The following CUEDC1 variants were observed in gnomAD, a reference collection of about 807,000 sequenced individuals.
CUEDC1 encodes CUE domain-containing protein 1.
A neutral mutation model predicts 43.7 loss-of-function variants in CUEDC1; 30 were observed. The ratio of observed to expected loss-of-function variants is 0.69; its 90% CI spans 0.51 to 0.93. The LOEUF is 0.93. Ranked by LOEUF, CUEDC1 falls within the 40% of genes least tolerant of loss-of-function variation. CUEDC1 has a pLI of 0.00. For missense variants in CUEDC1, 486 were observed against 549.0 expected (o/e 0.89, Z 1.15); for synonymous variants, 223 against 223.6 (o/e 1.00, Z 0.02).
intron 1 of CUEDC1, among the ~76,000 whole-genome samples, chr17:57,886,960 A>G (rs2074298387): frequency 6.6e-6 from 1 of 151,704 alleles, no homozygotes; most frequent in Non-Finnish European, 1.5e-5. Flanking sequence ...CTGGGACTAC[A>G]GGCGCCCGCC....
chr17:57,927,027 G>A (rs2074754031), intron 1 of CUEDC1, among the ~76,000 whole-genome samples: 1 of 152,200 alleles, frequency 6.6e-6, no homozygotes, highest in Non-Finnish European at 1.5e-5. Context: ...GCAGCTGGGG[G>A]AAACAGGCCG....
rs931232553 is a variant in CUEDC1, at chr17:57,955,057, C to T, written c.-316+168G>A. Reference sequence around the variant, plus strand: ...AGCTCCCGGGGAGCCGCGCCGACAGCCCCGGGAATCAAACTCGCGACGGCC... The same window carrying T: ...AGCTCCCGGGGAGCCGCGCCGACAGTCCCGGGAATCAAACTCGCGACGGCC... On this transcript the variant is annotated intron_variant, in intron 1 of 10. Coordinates refer to ENST00000577830, the MANE Select transcript of CUEDC1 (RefSeq NM_001271875.2). The surrounding 1 kb of genome is among the most constrained non-coding windows in gnomAD (Gnocchi z 5.3). Among the ~76,000 whole-genome samples, 7 of 151,042 alleles carry T rather than the reference C, an allele frequency of 4.6e-5. No homozygotes were observed. The highest frequency in any genetic ancestry group is 1.3e-4 in the Admixed American group (2 of 15,172).
intron 10 of CUEDC1, among the ~76,000 whole-genome samples, chr17:57,864,701 G>A (rs2073931430): frequency 6.6e-6 from 1 of 152,136 alleles, no homozygotes; most frequent in Non-Finnish European, 1.5e-5. Flanking sequence ...GGAGGAGGAG[G>A]AGGATGTCAA....
At chr17:57,942,685 G>A (rs776785482) in intron 1 of CUEDC1, among the ~76,000 whole-genome samples, 5 of 151,494 alleles carry the variant, frequency 3.3e-5, no homozygotes, top group East Asian at 3.9e-4. Context: ...CACCACACCC[G>A]GCCAAATTGT....
At chr17:57,945,128 AT>A (rs1166907781) in intron 1 of CUEDC1, among the ~76,000 whole-genome samples, 1 of 152,154 alleles carries the variant, frequency 6.6e-6, no homozygotes, top group Non-Finnish European at 1.5e-5. Context: ...AAGCCTATAT[AT>A]TTTTTTCAAA....
At chr17:57,872,064 C>T (rs1436161301) in intron 5 of CUEDC1, among the ~76,000 whole-genome samples, 2 of 152,256 alleles carry the variant, frequency 1.3e-5, no homozygotes, top group Non-Finnish European at 2.9e-5. Context: ...GTTACACACA[C>T]AAGCTCTCAC....
intron 1 of CUEDC1, among the ~76,000 whole-genome samples, chr17:57,895,434 G>T (rs2074398658): frequency 6.6e-6 from 1 of 152,330 alleles, no homozygotes; most frequent in South Asian, 2.1e-4. Flanking sequence ...GCCACTGGAG[G>T]TATAAGGGAT....
Position 57,888,332 on chromosome 17 carries a change from G to A in CUEDC1, c.-315-2453C>T, listed in dbSNP as rs2074319615. Among the ~76,000 whole-genome samples, 2 of 152,166 alleles carry A rather than the reference G, an allele frequency of 1.3e-5. 1 individual carries two copies. ...TGGCCATCTTCCCATGTCAGAATACGTAGGGCTACGCCATCATTTTTAGTG... is the reference window on the plus strand; with the variant it reads ...TGGCCATCTTCCCATGTCAGAATACATAGGGCTACGCCATCATTTTTAGTG... On this transcript the variant is annotated intron_variant, in intron 1 of 10. Coordinates refer to ENST00000577830, the MANE Select transcript of CUEDC1 (RefSeq NM_001271875.2).
intron 1 of CUEDC1, among the ~76,000 whole-genome samples, chr17:57,944,029 C>T (rs1163031986): frequency 6.6e-6 from 1 of 152,150 alleles, no homozygotes; most frequent in Admixed American, 6.5e-5. Flanking sequence ...TGTGACCTTA[C>T]GCAAGTTAAC....
At chr17:57,896,551 G>A (rs2144993875) in intron 1 of CUEDC1, among the ~76,000 whole-genome samples, 1 of 148,754 alleles carries the variant, frequency 6.7e-6, no homozygotes, top group East Asian at 2.0e-4. Context: ...GGATTCACAA[G>A]AAACTGATAA....
intron 1 of CUEDC1, among the ~76,000 whole-genome samples, chr17:57,931,930 G>A (rs2074807788): frequency 6.6e-6 from 1 of 152,076 alleles, no homozygotes; most frequent in African/African-American, 2.4e-5. Flanking sequence ...CCCCCACCCT[G>A]CTCCTCTCAC....
chr17:57,892,785 T>C (rs2074369423), intron 1 of CUEDC1: 1 of 122,944 alleles, frequency 8.1e-6, no homozygotes, highest in African/African-American at 3.1e-5. Flanking sequence ...AACCACCCAG[T>C]TGCCTCAGGG....
intron 10 of CUEDC1, among the ~76,000 whole-genome samples, chr17:57,865,010 T>C (rs913475090): frequency 2.0e-5 from 3 of 152,176 alleles, no homozygotes; most frequent in Non-Finnish European, 2.9e-5. Context: ...TGAGCCAAGA[T>C]TGTGCCACTG....
chr17:57,881,410 A>C (rs1485834793), intron 2 of CUEDC1, among the ~76,000 whole-genome samples: 1 of 152,232 alleles, frequency 6.6e-6, no homozygotes, highest in Non-Finnish European at 1.5e-5. Flanking sequence ...AAGAGAGAGA[A>C]CACTGTAAGC....
chr17:57,939,156 G>C (rs951283230), intron 1 of CUEDC1, among the ~76,000 whole-genome samples: 1 of 151,506 alleles, frequency 6.6e-6, no homozygotes, highest in East Asian at 1.9e-4. Context: ...TAGTAGAGAC[G>C]GGCTTTCACC....
intron 1 of CUEDC1, among the ~76,000 whole-genome samples, chr17:57,944,969 GC>G (rs1598027176): frequency 6.6e-6 from 1 of 152,158 alleles, no homozygotes; most frequent in Admixed American, 6.5e-5. Flanking sequence ...ACCATGCAAG[GC>G]CAGGGGTCAC....
rs564376195 is a variant in CUEDC1, at chr17:57,874,784, G to A, written c.465-1067C>T. Among the ~76,000 whole-genome samples, 5 of 152,294 alleles carry A rather than the reference G, an allele frequency of 3.3e-5. No homozygotes were observed. The South Asian group carries it at 8.3e-4, about 25-fold the overall frequency. On this transcript the variant is annotated intron_variant, in intron 3 of 10. Coordinates refer to ENST00000577830, the MANE Select transcript of CUEDC1 (RefSeq NM_001271875.2). ...AGGAATCCCGCCCGCCCCCTCACTG[G>A]AGGGGAGCTTTTCCGGGCTGCCGCT...
At chr17:57,899,549 C>A (rs533746241) in intron 1 of CUEDC1, among the ~76,000 whole-genome samples, 54 of 152,264 alleles carry the variant, frequency 3.5e-4, no homozygotes, top group Admixed American at 2.9e-3. Context: ...CTGGCCAGTG[C>A]TCTCTCCTTG....
intron 10 of CUEDC1, among the ~76,000 whole-genome samples, chr17:57,864,176 A>G (rs2073923030): frequency 6.6e-6 from 1 of 152,050 alleles, no homozygotes; most frequent in Non-Finnish European, 1.5e-5. Flanking sequence ...TGGTAATGGA[A>G]GGAATAGAAA....
Sources: gnomAD v4.1 joint callset for allele counts (sites outside exome capture counted in the v4.1 genomes callset) on GRCh38, gnomAD v4.1.1 for gene constraint, Gnocchi (gnomAD v3.1) non-coding constraint, MANE v1.5 for transcripts, NCBI Gene and HGNC (gene_info 2026-07-23, HGNC 2026-07-21) for gene names.